GXYLT1: variants seen among roughly 807,000 people sequenced by gnomAD.
GXYLT1 encodes glycosyltransferase 8 domain containing 3.
GXYLT1 carries 29 observed loss-of-function variants against 54.0 expected under a neutral mutation model. The observed-to-expected ratio is 0.54, with a 90% CI of 0.40 to 0.73. GXYLT1 has a LOEUF of 0.73. Ranked by LOEUF, GXYLT1 falls within the 30% of genes least tolerant of loss-of-function variation. GXYLT1 has a pLI of 0.00. For missense variants in GXYLT1, 490 were observed against 553.4 expected, an observed-to-expected ratio of 0.89 and a Z score of 1.15; for synonymous variants, 176 against 204.1, an observed-to-expected ratio of 0.86 and a Z score of 1.17.
chr12:42,137,486 C>T (rs12369355), intron 1 of GXYLT1, among the ~76,000 whole-genome samples: 6 of 124,116 alleles, frequency 4.8e-5, no homozygotes, highest in Admixed American at 1.0e-4. Flanking sequence ...CCCGCCTGGG[C>T]GACAGAGCAT....
intron 7 of GXYLT1, among the ~76,000 whole-genome samples, chr12:42,090,769 T>C (rs1169956222): frequency 6.6e-6 from 1 of 152,166 alleles, no homozygotes; most frequent in Non-Finnish European, 1.5e-5. Flanking sequence ...GTTTTGCAAA[T>C]ATAAGCAAGG....
At position 42,087,666 on chromosome 12, in the gene GXYLT1, A is replaced by G. The variant is rs1371955720; in HGVS notation, c.*120T>C. On this transcript the variant is annotated 3_prime_UTR_variant, in exon 8 of 8. Coordinates refer to ENST00000398675, the MANE Select transcript of GXYLT1 (RefSeq NM_173601.2). Reference sequence around the variant, plus strand: ...ATACTGCTTACTTAACTTCTTTAGGAAAAAAAAAATTATTCTGGAGATGAG... The same window carrying G: ...ATACTGCTTACTTAACTTCTTTAGGGAAAAAAAAATTATTCTGGAGATGAG... The G allele has an allele frequency of 1.1e-5, 7 of 614,386 alleles. No homozygotes were observed. Among genetic ancestry groups the G allele is most frequent in the Non-Finnish European group, 1.8e-5 (7 of 388,210 alleles). 38.1% of individuals were successfully genotyped at this position (614,386 alleles called of 1,614,324 possible). A position where few individuals can be genotyped will look rare whatever the true frequency, so the allele number is the denominator to read the frequency against.
intron 1 of GXYLT1, among the ~76,000 whole-genome samples, chr12:42,131,985 T>C (rs1195709018): frequency 6.6e-6 from 1 of 152,242 alleles, no homozygotes; most frequent in Non-Finnish European, 1.5e-5. Flanking sequence ...AATCAGGTTA[T>C]TCCATATCCC....
At chr12:42,100,944 T>C (rs1288013005) in intron 5 of GXYLT1, among the ~76,000 whole-genome samples, 1 of 151,702 alleles carries the variant, frequency 6.6e-6, no homozygotes, top group East Asian at 1.9e-4. Context: ...ATCAAATATA[T>C]ATATTTGAAT....
Position 42,141,775 on chromosome 12 carries a change from C to A in GXYLT1, c.221+2651G>T, listed in dbSNP as rs553475843. ...AATTTAGGCAAAGTCTCACAGCAAC[C>A]AGAGCCAGAATACTGAGAACACGGG... On this transcript the variant is annotated intron_variant, in intron 1 of 7. Coordinates refer to ENST00000398675, the MANE Select transcript of GXYLT1 (RefSeq NM_173601.2). Among the ~76,000 whole-genome samples the A allele has an allele frequency of 3.3e-5, 5 of 152,212 alleles. 1 individual carries two copies. The highest frequency in any genetic ancestry group is 1.2e-4 in the African/African-American group (5 of 41,544).
chr12:42,119,306 T>G (rs2065516677), intron 2 of GXYLT1, 135 bp from the exon 3 acceptor site: 1 of 687,658 alleles, frequency 1.5e-6, no homozygotes, highest in South Asian at 1.9e-5. Context: ...CACGGGAAGC[T>G]AAGGCAGGAG....
At position 42,097,919 on chromosome 12, in the gene GXYLT1, G is replaced by A; in HGVS notation, c.979C>T (p.His327Tyr). 1 of 1,584,380 alleles carries A rather than the reference G, an allele frequency of 6.3e-7. No individual in the cohort carries two copies. Among genetic ancestry groups the A allele is most frequent in the African/African-American group, 1.4e-5 (1 of 73,834 alleles). Residue 327 changes from histidine (H) to tyrosine (Y), a missense_variant, in exon 6 of 8, where the codon CAT (histidine) becomes TAT (tyrosine). This residue lies in a region of GXYLT1 where 342 missense variants were observed against 342.6 expected (regional missense o/e 1.00). Coordinates refer to ENST00000398675, the MANE Select transcript of GXYLT1 (RefSeq NM_173601.2). ...DQDLLNIVFF[H>Y]NPESLFVFPC... The stretch of plus-strand genomic sequence containing the variant: ...GAATTTAAATAATTACCTGGATTAT[G>A]AAAAAACACGATATTCAATAGATCT...
chr12:42,103,111 C>T (rs147617191), intron 5 of GXYLT1, among the ~76,000 whole-genome samples: 1 of 151,968 alleles, frequency 6.6e-6, no homozygotes, highest in Non-Finnish European at 1.5e-5. Context: ...GCATGCACCA[C>T]CATGCACAGC....
At chr12:42,109,403 AT>A (rs1367088316) in intron 4 of GXYLT1, among the ~76,000 whole-genome samples, 162 bp downstream of exon 4, 2 of 151,898 alleles carry the variant, frequency 1.3e-5, no homozygotes. Flanking sequence ...CCACAGGAAT[AT>A]TTTTTCATGT....
intron 3 of GXYLT1, among the ~76,000 whole-genome samples, chr12:42,112,442 C>T (rs1460653271): frequency 1.3e-5 from 2 of 151,988 alleles, no homozygotes; most frequent in African/African-American, 2.4e-5. Flanking sequence ...CAGAGAAGTC[C>T]TTAAAGGACC....
At chr12:42,111,772 C>T (rs1402494302) in intron 3 of GXYLT1, among the ~76,000 whole-genome samples, 4 of 152,198 alleles carry the variant, frequency 2.6e-5, no homozygotes, top group Non-Finnish European at 4.4e-5. Flanking sequence ...CCTCTCTGAC[C>T]GCTTTGAAGA....
intron 1 of GXYLT1, among the ~76,000 whole-genome samples, chr12:42,143,945 T>C (rs1387379390): frequency 6.6e-6 from 1 of 152,032 alleles, no homozygotes; most frequent in Non-Finnish European, 1.5e-5. Context: ...TACTTAGAAG[T>C]GTAAGCGTTA....
intron 5 of GXYLT1, among the ~76,000 whole-genome samples, chr12:42,104,791 T>C (rs2065410084): frequency 6.6e-6 from 1 of 152,156 alleles, no homozygotes; most frequent in African/African-American, 2.4e-5. Context: ...CAAAAATACA[T>C]ACATATAAAT....
Position 42,144,625 on chromosome 12 carries a change from C to A in GXYLT1, c.22G>T (p.Val8Leu). The change falls in exon 1 of 8, where the codon GTG becomes TTG. Residue 8 changes from valine to leucine, a missense_variant. This residue lies in a region of GXYLT1 where 148 missense variants were observed against 210.7 expected (regional missense o/e 0.70). Coordinates refer to ENST00000398675, the MANE Select transcript of GXYLT1 (RefSeq NM_173601.2). MRRYLRVVVLCVACGFCS... is the reference protein window; with the variant it reads MRRYLRVLVLCVACGFCS... ...AAGCCGCAGGCCACACACAGCACCA[C>A]GACGCGCAGGTAGCGCCGCATCGCC... 1 of 1,471,260 alleles carries A rather than the reference C, an allele frequency of 6.8e-7. No individual in the cohort carries two copies. The highest frequency in any genetic ancestry group is 2.8e-5 in the East Asian group (1 of 35,316). The allele number at this position is 1,471,260 out of a possible 1,614,324, so 91.1% of individuals were successfully genotyped here. A position where few individuals can be genotyped will look rare whatever the true frequency, so the allele number is the denominator to read the frequency against.
chr12:42,114,014 T>G (rs2065476315), intron 3 of GXYLT1, among the ~76,000 whole-genome samples: 1 of 152,180 alleles, frequency 6.6e-6, no homozygotes, highest in Non-Finnish European at 1.5e-5. Flanking sequence ...CTGAACAACC[T>G]GCTCCGGAAT....
Position 42,136,172 on chromosome 12 carries a change from C to G in GXYLT1, c.222-6321G>C, listed in dbSNP as rs944251319. ...AAAGAGTAGAAACTCACACTGAGAA[C>G]TTATGACATATCAGTGGCTTATTAG... On this transcript the variant is annotated intron_variant, in intron 1 of 7. Coordinates refer to ENST00000398675, the MANE Select transcript of GXYLT1 (RefSeq NM_173601.2). Among the ~76,000 whole-genome samples the G allele has an allele frequency of 5.3e-5, 8 of 152,116 alleles. No individual in the cohort carries two copies. In the South Asian group the frequency reaches 8.3e-4, roughly 16 times the overall value.
chr12:42,117,910 G>A (rs1231774007), intron 3 of GXYLT1, among the ~76,000 whole-genome samples: 3 of 152,166 alleles, frequency 2.0e-5, no homozygotes, highest in Non-Finnish European at 4.4e-5. Context: ...ATGACTTCTA[G>A]AAAGTACCCT....
chr12:42,110,738 C>T (rs2065448475), intron 3 of GXYLT1, among the ~76,000 whole-genome samples: 1 of 152,160 alleles, frequency 6.6e-6, no homozygotes, highest in African/African-American at 2.4e-5. Flanking sequence ...TTGTAAAATA[C>T]TAGCACTGTC....
intron 7 of GXYLT1, among the ~76,000 whole-genome samples, chr12:42,093,700 A>G (rs951312475): frequency 6.6e-6 from 1 of 151,930 alleles, no homozygotes; most frequent in African/African-American, 2.4e-5. Context: ...TTTAGAGACA[A>G]AGTCTTACTA....
Sources: gnomAD v4.1 joint callset for allele counts (sites outside exome capture counted in the v4.1 genomes callset) on GRCh38, gnomAD v4.1.1 for gene constraint, gnomAD v4.1.1 regional missense constraint, MANE v1.5 for transcripts, NCBI Gene and HGNC (gene_info 2026-07-23, HGNC 2026-07-21) for gene names.